The following IL6R variants were observed in gnomAD, a reference collection of about 807,000 sequenced individuals.
IL6R encodes interleukin-6 receptor subunit alpha.
A neutral mutation model predicts 48.3 loss-of-function variants in IL6R; 38 were observed. The ratio of observed to expected loss-of-function variants is 0.79; its 90% CI spans 0.61 to 1.03. The LOEUF (loss-of-function observed/expected upper bound fraction) is 1.03, where lower values mean the gene tolerates loss of function less well. Ranked by LOEUF, IL6R falls within the 50% of genes least tolerant of loss-of-function variation. The pLI is 0.00. For synonymous variants in IL6R, 264 were observed against 256.2 expected (o/e 1.03, Z -0.29); for missense variants, 534 against 618.3 (o/e 0.86, Z 1.45).
At chr1:154,409,403 A>T (rs1264220927) in intron 1 of IL6R, among the ~76,000 whole-genome samples, 1 of 152,114 alleles carries the variant, frequency 6.6e-6, no homozygotes, top group Non-Finnish European at 1.5e-5. Flanking sequence ...TGCATAGGTG[A>T]TGGCTAAGGT....
At chr1:154,451,363 C>T (rs1690569408) in intron 8 of IL6R, among the ~76,000 whole-genome samples, 1 of 151,948 alleles carries the variant, frequency 6.6e-6, no homozygotes, top group Non-Finnish European at 1.5e-5. Flanking sequence ...ACTAAAAATA[C>T]AAAAATTAGC....
Position 154,435,053 on chromosome 1 carries a change from G to T in IL6R, c.704G>T (p.Ser235Ile), listed in dbSNP as rs767334927. The change falls in exon 5 of 10, where the codon AGT becomes ATT. Residue 235 changes from serine to isoleucine, a missense_variant. Coordinates refer to ENST00000368485, the MANE Select transcript of IL6R (RefSeq NM_000565.4). ...GTGGCCAGAAACCCCCGCTGGCTCA[G>T]TGTCACCTGGCAAGACCCCCACTCC... ...TAVARNPRWL[S>I]VTWQDPHSWN... The T allele has an allele frequency of 6.2e-7, 1 of 1,614,186 alleles. No individual in the cohort carries two copies. Among genetic ancestry groups the T allele is most frequent in the Admixed American group, 1.7e-5 (1 of 60,020 alleles).
Position 154,405,529 on chromosome 1 carries a change from G to GGCCCCCCCC in IL6R, c.-101_-100insGCCCCCCCC. 5 of 388,508 alleles carry GGCCCCCCCC rather than the reference G, an allele frequency of 1.3e-5. No homozygotes were observed. The highest frequency in any genetic ancestry group is 5.9e-5 in the East Asian group (1 of 17,044). The allele number at this position is 388,508 out of a possible 1,614,324, so 24.1% of individuals were successfully genotyped here. A position where few individuals can be genotyped will look rare whatever the true frequency, so the allele number is the denominator to read the frequency against. On this transcript the variant is annotated 5_prime_UTR_variant, in exon 1 of 10. Coordinates refer to ENST00000368485, the MANE Select transcript of IL6R (RefSeq NM_000565.4). This position sits in a 1 kb window ranked among gnomAD's most constrained non-coding sequence, Gnocchi z 5.2. ...CTGCCCCCGGGGCCTGAGCCCGCCTGCCCGCCCACCGCCCCGCCCCGCCCC... is the reference window on the plus strand; with the variant it reads ...CTGCCCCCGGGGCCTGAGCCCGCCTGGCCCCCCCCCCCGCCCACCGCCCCGCCCCGCCCC...
chr1:154,451,487 T>C (rs960223345), intron 8 of IL6R, among the ~76,000 whole-genome samples: 1 of 152,032 alleles, frequency 6.6e-6, no homozygotes, highest in Non-Finnish European at 1.5e-5. Flanking sequence ...CACTGCACTC[T>C]AGCCTGGGCC....
At chr1:154,436,674 C>T (rs1689648227) in intron 6 of IL6R, among the ~76,000 whole-genome samples, 1 of 152,196 alleles carries the variant, frequency 6.6e-6, no homozygotes, top group Non-Finnish European at 1.5e-5. Flanking sequence ...CCTGGGTTCT[C>T]CCTGTGGCTT....
intron 1 of IL6R, chr1:154,414,839 C>T: frequency 1.3e-6 from 1 of 757,096 alleles, no homozygotes; most frequent in Non-Finnish European, 2.4e-6. Flanking sequence ...AGATTGAGGC[C>T]CAAGAGCTGG....
intron 9 of IL6R, among the ~76,000 whole-genome samples, chr1:154,455,752 T>C (rs1049904288): frequency 4.4e-4 from 63 of 144,356 alleles, no homozygotes; most frequent in African/African-American, 1.4e-3. Flanking sequence ...GCGCCCAGCC[T>C]GTGGAGTTTT....
chr1:154,436,230 C>A, intron 6 of IL6R, 120 bp downstream of exon 6: 1 of 1,116,828 alleles, frequency 9.0e-7, no homozygotes, highest in Non-Finnish European at 1.3e-6. Context: ...GTGGCTCACA[C>A]CTGTAATCCC....
intron 9 of IL6R, among the ~76,000 whole-genome samples, chr1:154,460,673 G>A (rs989977537): frequency 1.3e-5 from 2 of 152,274 alleles, no homozygotes; most frequent in African/African-American, 4.8e-5. Context: ...GCGCCATGAA[G>A]TGTACACACC....
At chr1:154,454,370 G>A in intron 8 of IL6R, 118 bp from the exon 9 acceptor site, 2 of 666,686 alleles carry the variant, frequency 3.0e-6, no homozygotes, top group South Asian at 1.7e-5. Context: ...GGGGGTTGGA[G>A]GGGAAGGTTC....
At chr1:154,448,925 C>T (rs1223013323) in intron 7 of IL6R, among the ~76,000 whole-genome samples, 9 of 115,794 alleles carry the variant, frequency 7.8e-5, no homozygotes, top group African/African-American at 9.8e-5. Context: ...CTCGCTCTGT[C>T]GCCCAGGTGG....
intron 1 of IL6R, among the ~76,000 whole-genome samples, chr1:154,409,815 A>G (rs1369203211): frequency 6.6e-6 from 1 of 152,186 alleles, no homozygotes; most frequent in African/African-American, 2.4e-5. Flanking sequence ...TATGCTAGCG[A>G]CTAGTGCTAA....
At chr1:154,434,436 G>T in intron 3 of IL6R, 83 bp from the exon 4 acceptor site, 1 of 1,247,232 alleles carries the variant, frequency 8.0e-7, no homozygotes, top group South Asian at 1.4e-5. Flanking sequence ...TTCAAACCCC[G>T]GGATTCCACT....
At chr1:154,413,729 G>A (rs1688170525) in intron 1 of IL6R, among the ~76,000 whole-genome samples, 1 of 137,318 alleles carries the variant, frequency 7.3e-6, no homozygotes, top group Non-Finnish European at 1.6e-5. Context: ...TAATCTTATT[G>A]TTTACAGGAG....
chr1:154,462,524 C>G (rs1387357629), intron 9 of IL6R, among the ~76,000 whole-genome samples: 3 of 152,018 alleles, frequency 2.0e-5, no homozygotes, highest in Non-Finnish European at 2.9e-5. Context: ...CAGGCGCCTG[C>G]TACCATGCCT....
At chr1:154,448,995 G>A (rs1390238501) in intron 7 of IL6R, among the ~76,000 whole-genome samples, 5 of 142,628 alleles carry the variant, frequency 3.5e-5, no homozygotes, top group Non-Finnish European at 6.0e-5. Flanking sequence ...CCGGGTTCAC[G>A]CCATTCTCCT....
chr1:154,454,853 G>T (rs1168932964), intron 9 of IL6R, among the ~76,000 whole-genome samples: 1 of 152,178 alleles, frequency 6.6e-6, no homozygotes, highest in African/African-American at 2.4e-5. Context: ...CAAAAAGCAT[G>T]CCATGGTGAG....
intron 1 of IL6R, among the ~76,000 whole-genome samples, chr1:154,420,189 A>G (rs921716097): frequency 6.7e-6 from 1 of 148,832 alleles, no homozygotes; most frequent in Non-Finnish European, 1.5e-5. Flanking sequence ...TCCCAAAGCC[A>G]TCAACTATTA....
At chr1:154,414,117 A>C (rs1688195358) in intron 1 of IL6R, among the ~76,000 whole-genome samples, 1 of 152,142 alleles carries the variant, frequency 6.6e-6, no homozygotes. Flanking sequence ...TTGGCCTCCC[A>C]AAGTGCTGGG....
Sources: gnomAD v4.1 joint callset for allele counts (sites outside exome capture counted in the v4.1 genomes callset) on GRCh38, gnomAD v4.1.1 for gene constraint, Gnocchi (gnomAD v3.1) non-coding constraint, MANE v1.5 for transcripts, NCBI Gene and HGNC (gene_info 2026-07-23, HGNC 2026-07-21) for gene names.